EYS: variants seen among roughly 807,000 people sequenced by gnomAD.
The protein encoded by EYS is protein eyes shut homolog.
Under a neutral mutation model 282.1 loss-of-function variants are expected in EYS, and 250 were observed. The observed-to-expected ratio is 0.89, with a 90% CI of 0.80 to 0.98. The LOEUF (loss-of-function observed/expected upper bound fraction) is 0.98, where lower values mean the gene tolerates loss of function less well. Among genes scored for constraint, EYS ranks in the 50% least tolerant of loss-of-function variants. EYS has a pLI of 0.00. For missense variants in EYS, 4,016 were observed against 3,709.0 expected (o/e 1.08, Z -2.15); for synonymous variants, 1,355 against 1,282.9 (o/e 1.06, Z -1.20).
intron 31 of EYS, among the ~76,000 whole-genome samples, chr6:64,186,526 G>A (rs145138396): frequency 6.6e-6 from 1 of 152,216 alleles, no homozygotes; most frequent in East Asian, 1.9e-4. Context: ...CACTTTCTAT[G>A]CATCTTCCTT....
rs10080472 is a variant in EYS, at chr6:65,535,064, A to G, written c.-332-39071T>C. On this transcript the variant is annotated intron_variant, in intron 2 of 42. Coordinates refer to ENST00000503581, the MANE Select transcript of EYS (RefSeq NM_001142800.2). ...AATAGGAGATATTTTGTTAGTTACTATAAGGAATTGGCTCCTCCAGTTATG... is the reference window on the plus strand; with the variant it reads ...AATAGGAGATATTTTGTTAGTTACTGTAAGGAATTGGCTCCTCCAGTTATG... Among the ~76,000 whole-genome samples the G allele has an allele frequency of 2.2e-3, 334 of 152,286 alleles. 1 individual carries two copies. The highest frequency in any genetic ancestry group is 7.7e-3 in the African/African-American group (320 of 41,576).
chr6:64,771,609 G>A (rs1324219104), intron 22 of EYS, among the ~76,000 whole-genome samples: 1 of 151,688 alleles, frequency 6.6e-6, no homozygotes, highest in East Asian at 1.9e-4. Context: ...TTCCTAAACA[G>A]CTTATAACTT....
intron 22 of EYS, among the ~76,000 whole-genome samples, chr6:64,746,640 ATGT>A (rs1254146202): frequency 1.3e-5 from 2 of 152,204 alleles, no homozygotes; most frequent in African/African-American, 2.4e-5. Flanking sequence ...AGTATCCATC[ATGT>A]TGTTTCATGT....
chr6:64,917,472 A>T (rs2150079555), intron 15 of EYS, among the ~76,000 whole-genome samples: 1 of 152,292 alleles, frequency 6.6e-6, no homozygotes, highest in African/African-American at 2.4e-5. Context: ...TATGCAGTTT[A>T]AAAGAATATT....
chr6:65,626,144 C>A (rs1053647522), intron 2 of EYS, among the ~76,000 whole-genome samples: 1 of 152,064 alleles, frequency 6.6e-6, no homozygotes, highest in Non-Finnish European at 1.5e-5. Context: ...ACGTTTTGAA[C>A]CTCCTAGACG....
At chr6:65,349,685 T>G (rs1770528206) in intron 9 of EYS, among the ~76,000 whole-genome samples, 1 of 151,430 alleles carries the variant, frequency 6.6e-6, no homozygotes, top group Admixed American at 6.6e-5. Context: ...CTTCTGAAAT[T>G]ATAAAACTCA....
At chr6:64,911,184 C>A (rs1000939353) in intron 16 of EYS, among the ~76,000 whole-genome samples, 1 of 152,042 alleles carries the variant, frequency 6.6e-6, no homozygotes, top group Non-Finnish European at 1.5e-5. Context: ...AAACTATTTA[C>A]TTGTTTGAAT....
At chr6:64,217,227 T>C (rs1020302785) in intron 31 of EYS, among the ~76,000 whole-genome samples, 6 of 152,112 alleles carry the variant, frequency 3.9e-5, no homozygotes, top group African/African-American at 1.4e-4. Context: ...GTGTAAATAT[T>C]TGAAATGAAC....
intron 34 of EYS, among the ~76,000 whole-genome samples, chr6:63,986,078 A>G (rs142329150): frequency 6.6e-6 from 1 of 152,028 alleles, no homozygotes; most frequent in East Asian, 1.9e-4. Context: ...CAAATTTACA[A>G]GAGAAAAACA....
At chr6:63,887,143 T>A (rs1773279855) in intron 35 of EYS, among the ~76,000 whole-genome samples, 1 of 151,932 alleles carries the variant, frequency 6.6e-6, no homozygotes, top group Admixed American at 6.6e-5. Flanking sequence ...TAAGCACCAG[T>A]TAGATATTAA....
chr6:65,420,989 C>G (rs1407819702), intron 5 of EYS, among the ~76,000 whole-genome samples: 1 of 151,706 alleles, frequency 6.6e-6, no homozygotes, highest in African/African-American at 2.4e-5. Flanking sequence ...AGAGGGCAGG[C>G]AGAGTAAATT....
intron 12 of EYS, among the ~76,000 whole-genome samples, chr6:65,110,698 A>C (rs1561970891): frequency 6.6e-6 from 1 of 152,066 alleles, no homozygotes; most frequent in Non-Finnish European, 1.5e-5. Context: ...CTTTTTTTCA[A>C]AATAAATGTT....
intron 33 of EYS, among the ~76,000 whole-genome samples, chr6:64,025,653 A>T (rs146492929): frequency 2.0e-5 from 3 of 152,114 alleles, no homozygotes; most frequent in African/African-American, 7.2e-5. Flanking sequence ...CATAGTGGGG[A>T]CTACCTGGAA....
chr6:64,672,788 A>G (rs972227986), intron 22 of EYS, among the ~76,000 whole-genome samples: 1 of 152,152 alleles, frequency 6.6e-6, no homozygotes, highest in Non-Finnish European at 1.5e-5. Context: ...CCAGAAAAAA[A>G]CAGTAATTTA....
intron 22 of EYS, among the ~76,000 whole-genome samples, chr6:64,724,425 T>C (rs778828389): frequency 1.2e-4 from 19 of 152,342 alleles, no homozygotes; most frequent in African/African-American, 4.3e-4. Context: ...AAAAAGTCCA[T>C]GGTGCAAATG....
intron 26 of EYS, among the ~76,000 whole-genome samples, chr6:64,458,672 C>A (rs1562006984): frequency 1.3e-5 from 2 of 150,784 alleles, no homozygotes; most frequent in Admixed American, 6.6e-5. Flanking sequence ...TGGATTGAAT[C>A]TGATTTTTTT....
chr6:65,185,036 A>T (rs879160503), intron 12 of EYS, among the ~76,000 whole-genome samples: 1 of 143,106 alleles, frequency 7.0e-6, no homozygotes, highest in Admixed American at 6.9e-5. Flanking sequence ...TAAAAAAGAA[A>T]GAAAAAAAAA....
intron 35 of EYS, among the ~76,000 whole-genome samples, chr6:63,956,234 G>C (rs1307630148): frequency 6.6e-6 from 1 of 152,182 alleles, no homozygotes; most frequent in East Asian, 1.9e-4. Flanking sequence ...CAAAAGAAGT[G>C]AAAATGCCTG....
rs114257991 is a variant in EYS at position 63,907,091 on chromosome 6, T to C, written c.7056-42733A>G. On this transcript the variant is annotated intron_variant, in intron 35 of 42. Coordinates refer to ENST00000503581, the MANE Select transcript of EYS (RefSeq NM_001142800.2). ...GACTCTGGTGTTCTATTTCCATAAC[T>C]GTGCTTCTCCTGCTGTGGCATGTAG... Among the ~76,000 whole-genome samples the C allele has an allele frequency of 6.2e-3, 939 of 152,308 alleles. 13 individuals carry two copies. The highest frequency in any genetic ancestry group is 0.022 in the African/African-American group (910 of 41,580).
Sources: gnomAD v4.1 joint callset for allele counts (sites outside exome capture counted in the v4.1 genomes callset) on GRCh38, gnomAD v4.1.1 for gene constraint, MANE v1.5 for transcripts, NCBI Gene and HGNC (gene_info 2026-07-23, HGNC 2026-07-21) for gene names.